BTG3: variants seen among roughly 807,000 people sequenced by gnomAD.
BTG3 encodes BTG anti-proliferation factor 3.
In BTG3, 4 loss-of-function variants were observed where a neutral mutation model predicts 25.8. The ratio of observed to expected loss-of-function variants is 0.16; its 90% CI spans 0.08 to 0.36. The LOEUF (loss-of-function observed/expected upper bound fraction) is 0.36. BTG3 is among the 10% of genes least tolerant of loss of function. BTG3 has a pLI of 1.00. For missense variants in BTG3, 201 were observed against 304.9 expected (o/e 0.66, Z 2.54); for synonymous variants, 107 against 99.9 (o/e 1.07, Z -0.42).
intron 4 of BTG3, among the ~76,000 whole-genome samples, chr21:17,595,951 G>A (rs1569172350): frequency 6.6e-6 from 1 of 151,890 alleles, no homozygotes; most frequent in Non-Finnish European, 1.5e-5. Flanking sequence ...ATGCTGTCAG[G>A]CTTTTAAATT....
At chr21:17,607,326 G>A (rs1287167915) in intron 2 of BTG3, among the ~76,000 whole-genome samples, 1 of 151,906 alleles carries the variant, frequency 6.6e-6, no homozygotes, top group African/African-American at 2.4e-5. Context: ...TTAAATCAGA[G>A]TAAAAAGCCT....
intron 1 of BTG3, 169 bp downstream of exon 1, chr21:17,612,530 G>A (rs1287246950): frequency 1.3e-5 from 2 of 152,128 alleles, no homozygotes; most frequent in Admixed American, 6.5e-5. Context: ...GCCCCGCTCT[G>A]GCGCCGAGCC....
chr21:17,597,779 T>C (rs74551494), intron 4 of BTG3, among the ~76,000 whole-genome samples: 3 of 152,176 alleles, frequency 2.0e-5, no homozygotes, highest in East Asian at 1.9e-4. Flanking sequence ...ATGTTCATTA[T>C]GTAAATGTAT....
intron 2 of BTG3, among the ~76,000 whole-genome samples, chr21:17,606,836 T>C (rs1480691531): frequency 2.6e-5 from 4 of 152,212 alleles, no homozygotes; most frequent in African/African-American, 7.2e-5. Flanking sequence ...TCCATATTCA[T>C]ACATGTTCGT....
chr21:17,605,140 A>G (rs2061622487), intron 2 of BTG3, 143 bp from the exon 3 acceptor site: 8 of 936,016 alleles, frequency 8.5e-6, no homozygotes, highest in Non-Finnish European at 1.2e-5. Flanking sequence ...TATCTATCCT[A>G]AACAGATAAT....
At chr21:17,594,635 G>A (rs902702773) in intron 4 of BTG3, among the ~76,000 whole-genome samples, 2 of 152,114 alleles carry the variant, frequency 1.3e-5, no homozygotes, top group Admixed American at 1.3e-4. Context: ...GGACATGCTT[G>A]TTTTAGTCCA....
intron 3 of BTG3, 169 bp from the exon 4 acceptor site, chr21:17,598,993 G>T: frequency 1.9e-6 from 1 of 521,358 alleles, no homozygotes; most frequent in South Asian, 3.3e-5. Context: ...ATGCCAGCAA[G>T]CAAACCACAG....
Position 17,594,171 on chromosome 21 carries a change from T to C in BTG3, c.681A>G (p.Pro227=). The change falls in exon 5 of 5, where the codon CCA becomes CCG. Residue 227 remains proline, a synonymous_variant. Transcript: ENST00000348354. ...GRKNKPYRPI[P]VTWVPPPGMH... is the part of the protein sequence containing the mutation. ...TTCCAGGAGGAGGTACCCATGTCAC[T>C]GGAATTGGGCGATATGGTTTATTTT... The C allele has an allele frequency of 2.5e-6, 4 of 1,613,326 alleles. No individual in the cohort carries two copies. Among genetic ancestry groups the C allele is most frequent in the Non-Finnish European group, 3.4e-6 (4 of 1,179,422 alleles).
chr21:17,608,782 T>C, intron 2 of BTG3, 190 bp downstream of exon 2: 1 of 518,244 alleles, frequency 1.9e-6, no homozygotes, highest in African/African-American at 2.0e-5. Context: ...GTCCAGGCAG[T>C]GGGACTCCAC....
chr21:17,599,311 G>C (rs1053615105), intron 3 of BTG3, among the ~76,000 whole-genome samples: 1 of 151,406 alleles, frequency 6.6e-6, no homozygotes, highest in Admixed American at 6.6e-5. Flanking sequence ...CTCCCAAGAG[G>C]CTGGGACTAC....
At chr21:17,600,032 ATTTTTT>A in intron 3 of BTG3, among the ~76,000 whole-genome samples, 1 of 152,148 alleles carries the variant, frequency 6.6e-6, no homozygotes, top group African/African-American at 2.4e-5. Flanking sequence ...TCTCATCTTA[ATTTTTT>A]TTAAGGTAAG....
chr21:17,601,264 C>G (rs1255667023), intron 3 of BTG3, among the ~76,000 whole-genome samples: 1 of 152,170 alleles, frequency 6.6e-6, no homozygotes, highest in Non-Finnish European at 1.5e-5. Flanking sequence ...AGGCAAGTCA[C>G]TTAATTTCCC....
chr21:17,594,410 A>G (rs202093449), intron 4 of BTG3, 78 bp from the exon 5 acceptor site: 88 of 536,332 alleles, frequency 1.6e-4, no homozygotes, highest in African/African-American at 8.9e-4. Context: ...ATTAAAGACA[A>G]ACAAAGTTAC....
chr21:17,610,114 C>T (rs908529322), intron 1 of BTG3, among the ~76,000 whole-genome samples: 2 of 152,102 alleles, frequency 1.3e-5, no homozygotes, highest in African/African-American at 4.8e-5. Flanking sequence ...TATGAAATAT[C>T]CAGAATAAGC....
chr21:17,609,627 AC>A (rs1743535952), intron 1 of BTG3, among the ~76,000 whole-genome samples: 1 of 152,266 alleles, frequency 6.6e-6, no homozygotes, highest in African/African-American at 2.4e-5. Context: ...GAAAGGTTAA[AC>A]ACAGAGTTAT....
At chr21:17,612,052 C>T (rs1388868804) in intron 1 of BTG3, 1 of 152,394 alleles carries the variant, frequency 6.6e-6, no homozygotes, top group Non-Finnish European at 1.5e-5. Context: ...CCATCGAAAC[C>T]TGCTGCTAGG....
Position 17,593,860 on chromosome 21 carries a change from T to C in BTG3, c.*233A>G. The C allele has an allele frequency of 2.0e-6, 1 of 511,450 alleles. No homozygotes were observed. Among genetic ancestry groups the C allele is most frequent in the Non-Finnish European group, 3.4e-6 (1 of 298,238 alleles). 31.7% of individuals were successfully genotyped at this position (511,450 alleles called of 1,614,324 possible). A position where few individuals can be genotyped will look rare whatever the true frequency, so the allele number is the denominator to read the frequency against. On this transcript the variant is annotated 3_prime_UTR_variant, in exon 5 of 5. Coordinates refer to ENST00000348354, the MANE Select transcript of BTG3 (RefSeq NM_006806.5). ...ACAATATATAAATACTCAAGTCCAA[T>C]ATTAAAAACTTAGGCACTTGACTAA...
At chr21:17,610,056 G>A (rs546496360) in intron 1 of BTG3, among the ~76,000 whole-genome samples, 2 of 152,134 alleles carry the variant, frequency 1.3e-5, no homozygotes, top group African/African-American at 4.8e-5. Flanking sequence ...ATCACACTAA[G>A]GGAAAGAAGC....
At chr21:17,603,156 A>G (rs1056767828) in intron 3 of BTG3, among the ~76,000 whole-genome samples, 9 of 152,226 alleles carry the variant, frequency 5.9e-5, no homozygotes, top group African/African-American at 2.2e-4. Context: ...AGGTCAAATT[A>G]AAAAGTAAAC....
Sources: allele counts gnomAD v4.1 joint callset (sites outside exome capture counted in the v4.1 genomes callset), GRCh38; gene constraint gnomAD v4.1.1; transcripts MANE v1.5; gene names NCBI Gene and HGNC (gene_info 2026-07-23, HGNC 2026-07-21).